OTOGL: variants seen among roughly 807,000 people sequenced by gnomAD.
OTOGL encodes the protein otogelin like.
Under a neutral mutation model 318.5 loss-of-function variants are expected in OTOGL, and 285 were observed. The ratio of observed to expected loss-of-function variants is 0.89; its 90% confidence interval spans 0.81 to 0.99. The LOEUF is 0.99. Ranked by LOEUF, OTOGL falls within the 50% of genes least tolerant of loss-of-function variation. The probability of loss-of-function intolerance (pLI) is 0.00; values close to 1 mark genes in which losing one functional copy is unlikely to be tolerated. For missense variants in OTOGL, 2,899 were observed against 2,845.6 expected (o/e 1.02, Z -0.43); for synonymous variants, 987 against 936.5 (o/e 1.05, Z -0.99).
At chr12:80,134,215 T>C (rs1214036518) in intron 1 of OTOGL, among the ~76,000 whole-genome samples, 2 of 152,246 alleles carry the variant, frequency 1.3e-5, no homozygotes, top group South Asian at 4.1e-4. Context: ...ATCTTCCTGT[T>C]CTAAAACATT....
At chr12:80,145,987 A>G (rs1472498764) in intron 1 of OTOGL, among the ~76,000 whole-genome samples, 2 of 150,908 alleles carry the variant, frequency 1.3e-5, no homozygotes, top group South Asian at 2.1e-4. Flanking sequence ...TAGATATACA[A>G]TCATGTCATC....
At chr12:80,325,715 A>C (rs887477639) in intron 35 of OTOGL, among the ~76,000 whole-genome samples, 9 of 152,234 alleles carry the variant, frequency 5.9e-5, no homozygotes, top group African/African-American at 2.2e-4. Flanking sequence ...TCTGGTAGCC[A>C]TCAGGATGAC....
In OTOGL at chr12:80,356,936, T is replaced by G. The variant is rs574403330; in HGVS notation, c.6019+22T>G. ...TGTGGTGAGTATTGTAGAGATAATT[T>G]CTTGGAAGAAGAGAAAGGATCTAGG... On this transcript the variant is annotated intron_variant, in intron 49 of 58. Transcript: ENST00000547103. 63 of 1,458,874 alleles carry G rather than the reference T, an allele frequency of 4.3e-5. No homozygotes were observed. The South Asian group carries it at 8.5e-4, about 20-fold the overall frequency. The allele number at this position is 1,458,874 out of a possible 1,614,324, so 90.4% of individuals were successfully genotyped here.
rs1440459425 is a variant in OTOGL, at chr12:80,271,778, A to C, written c.2649A>C (p.Ser883=). Residue 883 remains serine, a synonymous_variant, in exon 24 of 59, where the codon TCA becomes TCC. Transcript: ENST00000547103. ...TGAACTTCACCTGCACCCCATCCTC[A>C]CCCTGTATAAGTGGCTGTGTTTGTG... The part of the protein sequence containing the change: ...LAMNFTCTPS[S]PCISGCVCAP... 6.2e-7 allele frequency: 1 copy of C among 1,612,858 alleles called. No individual in the cohort carries two copies. Among genetic ancestry groups the C allele is most frequent in the East Asian group, 2.2e-5 (1 of 44,844 alleles).
chr12:80,373,375 T>C (rs1370132271), intron 57 of OTOGL, among the ~76,000 whole-genome samples: 2 of 152,062 alleles, frequency 1.3e-5, no homozygotes, highest in Non-Finnish European at 2.9e-5. Context: ...GAGGTTACAG[T>C]GAGCCAAGAT....
intron 23 of OTOGL, 59 bp downstream of exon 23, chr12:80,270,213 C>T: frequency 7.2e-7 from 1 of 1,395,804 alleles, no homozygotes; most frequent in Middle Eastern, 1.8e-4. Flanking sequence ...CACCTCCACT[C>T]CTGGCAGAAG....
At chr12:80,328,591 T>C (rs1887853266) in intron 35 of OTOGL, 74 bp from the exon 36 acceptor site, 1 of 1,114,902 alleles carries the variant, frequency 9.0e-7, no homozygotes. Flanking sequence ...TAGTCGCATA[T>C]GTTAAATGTA....
At chr12:80,279,552 G>A (rs539152019) in intron 26 of OTOGL, among the ~76,000 whole-genome samples, 17 of 151,658 alleles carry the variant, frequency 1.1e-4, no homozygotes, top group Admixed American at 9.2e-4. Context: ...GCGGTATTTG[G>A]TTTTCTGTTC....
At chr12:80,100,520 A>G (rs1196760166) in intron 1 of OTOGL, among the ~76,000 whole-genome samples, 1 of 152,198 alleles carries the variant, frequency 6.6e-6, no homozygotes, top group Non-Finnish European at 1.5e-5. Context: ...AAAGCTTATT[A>G]ATAGTGGAGG....
chr12:80,371,844 A>G (rs923476139), intron 56 of OTOGL, among the ~76,000 whole-genome samples, 175 bp from the exon 57 acceptor site: 1 of 152,118 alleles, frequency 6.6e-6, no homozygotes, highest in Admixed American at 6.5e-5. Flanking sequence ...CAAAATATCT[A>G]CTCCAGATTT....
chr12:80,363,781 A>G (rs1321483886), intron 52 of OTOGL, among the ~76,000 whole-genome samples: 3 of 152,154 alleles, frequency 2.0e-5, no homozygotes, highest in Non-Finnish European at 2.9e-5. Context: ...TTCCAATGTA[A>G]CAAGAAAAAC....
At chr12:80,238,812 C>T in intron 9 of OTOGL, 39 bp from the exon 10 acceptor site, 2 of 1,450,248 alleles carry the variant, frequency 1.4e-6, no homozygotes, top group Non-Finnish European at 1.8e-6. Context: ...ATGATTACAC[C>T]TATTTGTGTG....
At chr12:80,215,948 A>T (rs1015441869) in intron 4 of OTOGL, among the ~76,000 whole-genome samples, 3 of 152,192 alleles carry the variant, frequency 2.0e-5, no homozygotes, top group African/African-American at 7.2e-5. Flanking sequence ...AGAACAGGAG[A>T]CAATGAACTT....
rs182690871 is a variant in OTOGL, at chr12:80,314,827, A to C, written c.3634+496A>C. Reference sequence around the variant, plus strand: ...AATCAGGCCAATTAGCATATCCATCACCTCAAATATTTACCATTGCTTTGT... The same window carrying C: ...AATCAGGCCAATTAGCATATCCATCCCCTCAAATATTTACCATTGCTTTGT... On this transcript the variant is annotated intron_variant, in intron 32 of 58. Coordinates refer to ENST00000547103, the MANE Select transcript of OTOGL (RefSeq NM_001378609.3). Among the ~76,000 whole-genome samples the C allele has an allele frequency of 1.2e-3, 181 of 152,260 alleles. 1 individual carries two copies. Among genetic ancestry groups the C allele is most frequent in the African/African-American group, 4.2e-3 (173 of 41,560 alleles).
At chr12:80,223,115 AC>A (rs1878509467) in intron 7 of OTOGL, among the ~76,000 whole-genome samples, 1 of 151,978 alleles carries the variant, frequency 6.6e-6, no homozygotes, top group African/African-American at 2.4e-5. Context: ...GTTCCCACTT[AC>A]GAGTGAGAAC....
At chr12:80,271,265 C>T (rs997791766) in intron 23 of OTOGL, among the ~76,000 whole-genome samples, 2 of 151,954 alleles carry the variant, frequency 1.3e-5, no homozygotes, top group African/African-American at 4.8e-5. Context: ...AATATGGAGC[C>T]CCTGTCCTGA....
chr12:80,250,110 G>C (rs1307468647), intron 11 of OTOGL, among the ~76,000 whole-genome samples: 1 of 152,126 alleles, frequency 6.6e-6, no homozygotes, highest in Non-Finnish European at 1.5e-5. Flanking sequence ...TGGAAATGCA[G>C]AAATCACCTG....
intron 19 of OTOGL, 83 bp from the exon 20 acceptor site, chr12:80,264,918 A>G (rs1882828351): frequency 7.2e-7 from 1 of 1,382,276 alleles, no homozygotes; most frequent in Non-Finnish European, 1.0e-6. Flanking sequence ...ACTACAGTGT[A>G]TTTCTAAGAA....
chr12:80,266,858 T>G (rs1883018383), intron 21 of OTOGL, among the ~76,000 whole-genome samples: 1 of 152,162 alleles, frequency 6.6e-6, no homozygotes, highest in South Asian at 2.1e-4. Flanking sequence ...AGGTTTGTGC[T>G]TCACTGTCAC....
Sources: gnomAD v4.1 joint callset for allele counts (sites outside exome capture counted in the v4.1 genomes callset) on GRCh38, gnomAD v4.1.1 for gene constraint, MANE v1.5 for transcripts, NCBI Gene and HGNC (gene_info 2026-07-23, HGNC 2026-07-21) for gene names.